The following MALRD1 variants were observed in gnomAD, a reference collection of about 807,000 sequenced individuals.
MALRD1 encodes the protein MAM and LDL-receptor class A domain-containing protein 1.
A neutral mutation model predicts 242.1 loss-of-function variants in MALRD1; 247 were observed. The observed-to-expected ratio is 1.02, with a 90% CI of 0.92 to 1.13. The LOEUF is 1.13. MALRD1 is among the 50% of genes most tolerant of loss of function. The pLI is 0.00. For missense variants in MALRD1, 2,989 were observed against 2,533.1 expected, an observed-to-expected ratio of 1.18 and a Z score of -3.86; for synonymous variants, 995 against 866.6, an observed-to-expected ratio of 1.15 and a Z score of -2.60.
At chr10:19,401,446 G>A (rs1333913748) in intron 28 of MALRD1, among the ~76,000 whole-genome samples, 2 of 152,030 alleles carry the variant, frequency 1.3e-5, no homozygotes. Context: ...GGAAGTAATC[G>A]AATTGAAAAC....
chr10:19,282,034 C>CAAT lies in MALRD1; in HGVS notation c.3257-983_3257-981dup, dbSNP rs1406558688. Among the ~76,000 whole-genome samples the CAAT allele has an allele frequency of 2.7e-5, 4 of 147,752 alleles. No homozygotes were observed. The South Asian group carries it at 8.6e-4, about 32-fold the overall frequency. ...CCATCTTAACAAAATGCTAAGGGTA[C>CAAT]AATACATTATGGTTGACTCTACTGT... On this transcript the variant is annotated intron_variant, in intron 20 of 39. Transcript: ENST00000454679.
At chr10:19,081,184 A>G (rs1322710194) in intron 2 of MALRD1, among the ~76,000 whole-genome samples, 1 of 152,194 alleles carries the variant, frequency 6.6e-6, no homozygotes, top group Non-Finnish European at 1.5e-5. Context: ...AATTAGTTCA[A>G]CCATTGTGGA....
chr10:19,192,791 G>T (rs541548956), intron 14 of MALRD1, among the ~76,000 whole-genome samples: 84 of 152,236 alleles, frequency 5.5e-4, no homozygotes, highest in African/African-American at 2.0e-3. Context: ...TAAAACAAAT[G>T]CCCTGGGTAT....
intron 29 of MALRD1, among the ~76,000 whole-genome samples, chr10:19,460,751 G>A (rs7913355): frequency 0.81 from 123,766 of 152,076 alleles, 50,550 homozygotes; most frequent in East Asian, 1. Flanking sequence ...AATGTTTAAG[G>A]CTGTTGAATT....
At chr10:19,338,071 A>T (rs1388634889) in intron 24 of MALRD1, among the ~76,000 whole-genome samples, 1 of 151,278 alleles carries the variant, frequency 6.6e-6, no homozygotes, top group Non-Finnish European at 1.5e-5. Flanking sequence ...AAAAAAAAAA[A>T]AAAAGAAAGA....
intron 27 of MALRD1, among the ~76,000 whole-genome samples, chr10:19,388,344 C>T (rs574400746): frequency 6.6e-6 from 1 of 152,178 alleles, no homozygotes; most frequent in Admixed American, 6.5e-5. Flanking sequence ...CAATTCAAAC[C>T]ATAACAGTTT....
At chr10:19,658,815 A>G (rs1841289771) in intron 36 of MALRD1, among the ~76,000 whole-genome samples, 2 of 152,168 alleles carry the variant, frequency 1.3e-5, no homozygotes, top group African/African-American at 2.4e-5. Flanking sequence ...GCCACAGTTG[A>G]AAACCACGCT....
At chr10:19,524,681 A>G (rs1209931332) in intron 31 of MALRD1, among the ~76,000 whole-genome samples, 1 of 151,918 alleles carries the variant, frequency 6.6e-6, no homozygotes, top group Admixed American at 6.6e-5. Context: ...AATGCACAGC[A>G]TTTTTAAAAA....
chr10:19,108,638 C>T lies in MALRD1; in HGVS notation c.694+4563C>T, dbSNP rs1836563261. On this transcript the variant is annotated intron_variant, in intron 5 of 39. Transcript: ENST00000454679. ...TTCACCTTGTTAGCCAGGATGGTCT[C>T]GATCTCCTGACCTCATGATCCACCC... is the stretch of plus-strand genomic sequence containing the variant. Among the ~76,000 whole-genome samples the T allele has an allele frequency of 1.4e-4, 4 of 27,822 alleles. 2 individuals carry two copies. The highest frequency in any genetic ancestry group is 2.4e-4 in the Non-Finnish European group (4 of 17,002). The allele number at this position is 27,822 out of a possible 152,430, so 18.3% of individuals were successfully genotyped here.
At chr10:19,439,685 T>C (rs901306441) in intron 28 of MALRD1, among the ~76,000 whole-genome samples, 1 of 152,176 alleles carries the variant, frequency 6.6e-6, no homozygotes, top group East Asian at 1.9e-4. Flanking sequence ...TTCTTTATTT[T>C]AATGTATTTA....
intron 31 of MALRD1, among the ~76,000 whole-genome samples, chr10:19,519,778 A>C (rs1833796079): frequency 6.6e-6 from 1 of 152,192 alleles, no homozygotes; most frequent in Non-Finnish European, 1.5e-5. Context: ...AACAATAACA[A>C]AAAACTGGTT....
At position 19,352,104 on chromosome 10, in the gene MALRD1, T is replaced by C. The variant is rs1189391781; in HGVS notation, c.4248T>C (p.Thr1416=). Residue 1416 remains threonine (T), a synonymous_variant, in exon 26 of 40, where the codon ACT becomes ACC. Coordinates refer to ENST00000454679, the MANE Select transcript of MALRD1 (RefSeq NM_001142308.3). ...TNQTKVLLNL[T]VEQGNFWRRE... ...AAACGAAGGTTCTACTTAACCTCAC[T>C]GTAGAACAAGGCAATTTCTGGCGGA... The C allele has an allele frequency of 6.4e-7, 1 of 1,550,542 alleles. No individual in the cohort carries two copies.
At chr10:19,097,500 A>G (rs1268979307) in intron 4 of MALRD1, among the ~76,000 whole-genome samples, 1 of 152,210 alleles carries the variant, frequency 6.6e-6, no homozygotes, top group African/African-American at 2.4e-5. Flanking sequence ...GAAGCAATTA[A>G]TTTTACTGTT....
At chr10:19,626,261 A>C (rs1298714844) in intron 36 of MALRD1, among the ~76,000 whole-genome samples, 1 of 151,494 alleles carries the variant, frequency 6.6e-6, no homozygotes, top group African/African-American at 2.4e-5. Context: ...TTTTTCTGTC[A>C]AAAAACTGAA....
intron 29 of MALRD1, among the ~76,000 whole-genome samples, chr10:19,471,553 C>T (rs1836497926): frequency 6.7e-6 from 1 of 150,192 alleles, no homozygotes; most frequent in Non-Finnish European, 1.5e-5. Context: ...ATTAATGTTT[C>T]AATTCATGAA....
At chr10:19,641,970 T>TG (rs1300714884) in intron 36 of MALRD1, among the ~76,000 whole-genome samples, 1 of 151,980 alleles carries the variant, frequency 6.6e-6, no homozygotes, top group Non-Finnish European at 1.5e-5. Flanking sequence ...TGTCTTTGAG[T>TG]GAAAAAAAAG....
At chr10:19,594,653 A>G (rs1277586989) in intron 33 of MALRD1, among the ~76,000 whole-genome samples, 1 of 152,238 alleles carries the variant, frequency 6.6e-6, no homozygotes, top group Non-Finnish European at 1.5e-5. Flanking sequence ...CTACTCAGCC[A>G]TAAAAAGGAA....
In MALRD1 at chr10:19,651,930, T is replaced by C. The variant is rs561117047; in HGVS notation, c.6137+36007T>C. Reference sequence around the variant, plus strand: ...CACTTGGAGGTCTGGAGAACAAGGCTTGGGGTCTATGAAGCCAGGCACAAG... The same window carrying C: ...CACTTGGAGGTCTGGAGAACAAGGCCTGGGGTCTATGAAGCCAGGCACAAG... On this transcript the variant is annotated intron_variant, in intron 36 of 39. Transcript: ENST00000454679. 2.0e-5 allele frequency among the ~76,000 whole-genome samples: 3 copies of C among 152,298 alleles called. No homozygotes were observed. The South Asian group carries it at 6.2e-4, about 32-fold the overall frequency.
Position 19,324,055 on chromosome 10 carries a change from A to G in MALRD1, c.3526A>G (p.Thr1176Ala), listed in dbSNP as rs923700198. 1.3e-6 allele frequency: 2 copies of G among 1,550,590 alleles called. No homozygotes were observed. Among genetic ancestry groups the G allele is most frequent in the Non-Finnish European group, 1.7e-6 (2 of 1,146,876 alleles). ...PIISLTGPKC[T>A]LVFWTHMNGA... The stretch of plus-strand genomic sequence containing the variant: ...CATTTCACTCACGGGACCAAAATGT[A>G]CCTTGGTGTTCTGGACACATATGAA... Residue 1176 changes from threonine (T) to alanine (A), a missense_variant, in exon 22 of 40, where the codon ACC becomes GCC. By Grantham distance (58) the Thr-to-Ala change is moderately conservative (BLOSUM62 0). Coordinates refer to ENST00000454679, the MANE Select transcript of MALRD1 (RefSeq NM_001142308.3).
Sources: allele counts gnomAD v4.1 joint callset (sites outside exome capture counted in the v4.1 genomes callset), GRCh38; gene constraint gnomAD v4.1.1; transcripts MANE v1.5; gene names NCBI Gene and HGNC (gene_info 2026-07-23, HGNC 2026-07-21).